MAP4K4: variants seen among roughly 807,000 people sequenced by gnomAD.
MAP4K4 encodes the protein HPK/GCK-like kinase HGK.
In MAP4K4, 38 loss-of-function variants were observed where a neutral mutation model predicts 189.6. That is an observed-to-expected ratio of 0.20 (90% confidence interval 0.15 to 0.26). MAP4K4 has a LOEUF of 0.26. Ranked by LOEUF, MAP4K4 falls within the 10% of genes least tolerant of loss-of-function variation. The pLI is 1.00. For synonymous variants in MAP4K4, 610 were observed against 624.3 expected, an observed-to-expected ratio of 0.98 and a Z score of 0.34; for missense variants, 1,054 against 1,726.9, an observed-to-expected ratio of 0.61 and a Z score of 6.91.
intron 2 of MAP4K4, among the ~76,000 whole-genome samples, chr2:101,700,577 G>C (rs951646279): frequency 6.6e-6 from 1 of 152,182 alleles, no homozygotes; most frequent in Non-Finnish European, 1.5e-5. Context: ...AGAGAGCTCA[G>C]TTTATCAGCA....
chr2:101,837,796 C>A (rs1435847661), intron 9 of MAP4K4, among the ~76,000 whole-genome samples: 1 of 152,088 alleles, frequency 6.6e-6, no homozygotes, highest in Admixed American at 6.5e-5. Flanking sequence ...ATTTTTCTGC[C>A]CATTAGCTAC....
intron 2 of MAP4K4, among the ~76,000 whole-genome samples, chr2:101,742,360 C>T (rs2063215622): frequency 6.6e-6 from 1 of 152,126 alleles, no homozygotes; most frequent in Admixed American, 6.5e-5. Flanking sequence ...CTTCAGTGGC[C>T]TCTTAGGACT....
chr2:101,856,073 A>C, exon 13 of MAP4K4: 1 of 1,551,706 alleles, frequency 6.4e-7, no homozygotes, highest in Middle Eastern at 1.7e-4. Context: ...GTTGGAGAGA[A>C]GGCGCAAAGA....
chr2:101,754,869 G>A lies in MAP4K4; in HGVS notation c.124-35851G>A, dbSNP rs536369301. ...AAGCCCTGGAATGGAAGGCAGGCAA[G>A]TGTGAAGATGAGGGGAAGGAAGGAG... On this transcript the variant is annotated intron_variant, in intron 2 of 32. Coordinates refer to ENST00000324219, the Ensembl canonical transcript of MAP4K4. Among the ~76,000 whole-genome samples, 98 of 152,346 alleles carry A rather than the reference G, an allele frequency of 6.4e-4. 2 individuals carry two copies. In the South Asian group the frequency reaches 0.02, roughly 31 times the overall value.
intron 3 of MAP4K4, among the ~76,000 whole-genome samples, chr2:101,806,525 G>A (rs2094950360): frequency 6.6e-6 from 1 of 152,092 alleles, no homozygotes; most frequent in East Asian, 1.9e-4. Flanking sequence ...ACAGGCACGT[G>A]CCACCGTGCC....
intron 2 of MAP4K4, among the ~76,000 whole-genome samples, chr2:101,786,001 T>G (rs374602235): frequency 6.6e-6 from 1 of 152,046 alleles, no homozygotes; most frequent in African/African-American, 2.4e-5. Flanking sequence ...GATTTTTGTA[T>G]TTTTAGTAGA....
At chr2:101,751,900 A>G (rs1036278754) in intron 2 of MAP4K4, among the ~76,000 whole-genome samples, 3 of 152,204 alleles carry the variant, frequency 2.0e-5, no homozygotes, top group African/African-American at 7.2e-5. Context: ...GTTTGGTCCC[A>G]AAGGAGCCAG....
chr2:101,717,049 C>G (rs2048821937), intron 2 of MAP4K4, among the ~76,000 whole-genome samples: 1 of 152,148 alleles, frequency 6.6e-6, no homozygotes, highest in African/African-American at 2.4e-5. Context: ...TGCCCTGTTA[C>G]AGCTGAGAGT....
intron 12 of MAP4K4, among the ~76,000 whole-genome samples, chr2:101,847,132 T>C (rs1245027863): frequency 6.6e-6 from 1 of 152,220 alleles, no homozygotes; most frequent in Non-Finnish European, 1.5e-5. Context: ...CCTAGTGACA[T>C]CATAGCCATT....
chr2:101,722,719 A>G (rs1482602970), intron 2 of MAP4K4, among the ~76,000 whole-genome samples: 3 of 152,182 alleles, frequency 2.0e-5, no homozygotes, highest in Non-Finnish European at 4.4e-5. Flanking sequence ...TCACTTTCTA[A>G]AGGATACCTG....
intron 2 of MAP4K4, among the ~76,000 whole-genome samples, chr2:101,775,041 T>A (rs934326722): frequency 1.3e-5 from 2 of 151,332 alleles, no homozygotes; most frequent in African/African-American, 4.9e-5. Flanking sequence ...CCTCTTTTTT[T>A]TTTTTTTTTT....
intron 27 of MAP4K4, among the ~76,000 whole-genome samples, chr2:101,877,973 TCTC>T (rs1440745236): frequency 6.6e-6 from 1 of 152,098 alleles, no homozygotes; most frequent in African/African-American, 2.4e-5. Flanking sequence ...ATGGTCTTGA[TCTC>T]CTGACCTCAT....
At chr2:101,705,415 C>A (rs1399400334) in intron 2 of MAP4K4, among the ~76,000 whole-genome samples, 1 of 151,822 alleles carries the variant, frequency 6.6e-6, no homozygotes, top group Non-Finnish European at 1.5e-5. Flanking sequence ...TGTTCAGACA[C>A]AATGAATGCA....
intron 2 of MAP4K4, among the ~76,000 whole-genome samples, chr2:101,734,207 T>A (rs1441697073): frequency 2.0e-5 from 3 of 152,232 alleles, no homozygotes; most frequent in Non-Finnish European, 2.9e-5. Flanking sequence ...GAATTACTCT[T>A]ACTTGAAAAT....
At chr2:101,842,957 C>G (rs1202136082) in intron 11 of MAP4K4, among the ~76,000 whole-genome samples, 1 of 152,160 alleles carries the variant, frequency 6.6e-6, no homozygotes, top group Non-Finnish European at 1.5e-5. Flanking sequence ...AGTGCCCCAG[C>G]ATTTATTGTT....
intron 3 of MAP4K4, among the ~76,000 whole-genome samples, chr2:101,809,321 G>T (rs928403454): frequency 1.3e-5 from 2 of 150,910 alleles, no homozygotes; most frequent in African/African-American, 4.9e-5. Context: ...TCATAATATT[G>T]TCTGTCTGAA....
At chr2:101,741,503 C>G (rs140271453) in intron 2 of MAP4K4, among the ~76,000 whole-genome samples, 3 of 152,156 alleles carry the variant, frequency 2.0e-5, no homozygotes, top group African/African-American at 7.2e-5. Context: ...ATCGCAGACT[C>G]CATGTTAATG....
At position 101,824,068 on chromosome 2, in the gene MAP4K4, C is replaced by G. The variant is rs1198640224; in HGVS notation, c.306+15C>G. 7.0e-7 allele frequency: 1 copy of G among 1,418,702 alleles called. No individual in the cohort carries two copies. Among genetic ancestry groups the G allele is most frequent in the Non-Finnish European group, 9.3e-7 (1 of 1,072,736 alleles). 87.9% of individuals were successfully genotyped at this position (1,418,702 alleles called of 1,614,324 possible). ...ACCAACTCTGGGTAGGTGGATGTTT[C>G]CTGAGCATTTGTGGGCATTCCATTT... is the stretch of plus-strand genomic sequence containing the variant. On this transcript the variant is annotated intron_variant, in intron 4 of 32. Transcript: ENST00000324219.
rs531847647 is a variant in MAP4K4, at chr2:101,751,897, C to T, written c.124-38823C>T. On this transcript the variant is annotated intron_variant, in intron 2 of 32. Transcript: ENST00000324219. The stretch of plus-strand genomic sequence containing the variant: ...TTATACTGTTTTGTTTCAGTTTGGT[C>T]CCAAAGGAGCCAGCACAGTGTTCAT... Among the ~76,000 whole-genome samples the T allele has an allele frequency of 3.9e-5, 6 of 152,278 alleles. No homozygotes were observed. The South Asian group carries it at 8.3e-4, about 21-fold the overall frequency.
Sources: gnomAD v4.1 joint callset for allele counts (sites outside exome capture counted in the v4.1 genomes callset) on GRCh38, gnomAD v4.1.1 for gene constraint, MANE v1.5 for transcripts, NCBI Gene and HGNC (gene_info 2026-07-23, HGNC 2026-07-21) for gene names.